CRTC3: variants seen among roughly 807,000 people sequenced by gnomAD.
CRTC3 encodes CREB-regulated transcription coactivator 3.
In CRTC3, 26 loss-of-function variants were observed where a neutral mutation model predicts 74.5. The ratio of observed to expected loss-of-function variants is 0.35; its 90% CI spans 0.26 to 0.48. The LOEUF (loss-of-function observed/expected upper bound fraction) is 0.48, where lower values mean the gene tolerates loss of function less well. Ranked by LOEUF, CRTC3 falls within the 20% of genes least tolerant of loss-of-function variation. The pLI is 0.99. For missense variants in CRTC3, 760 were observed against 787.3 expected (o/e 0.97, Z 0.41); for synonymous variants, 377 against 325.8 (o/e 1.16, Z -1.69).
At chr15:90,592,244 G>T (rs1222367979) in intron 2 of CRTC3, among the ~76,000 whole-genome samples, 1 of 152,186 alleles carries the variant, frequency 6.6e-6, no homozygotes, top group Non-Finnish European at 1.5e-5. Flanking sequence ...GTAAAACTCT[G>T]TTTTAAATGA....
chr15:90,548,393 G>A (rs1327852935), intron 2 of CRTC3, among the ~76,000 whole-genome samples: 2 of 152,196 alleles, frequency 1.3e-5, no homozygotes, highest in African/African-American at 4.8e-5. Flanking sequence ...AAGGCCTGGA[G>A]GGCCAGGTCC....
chr15:90,552,169 C>T (rs543292153), intron 2 of CRTC3, among the ~76,000 whole-genome samples: 86 of 152,282 alleles, frequency 5.6e-4, no homozygotes, highest in Admixed American at 8.5e-4. Flanking sequence ...CACATAGAAA[C>T]GAAGAAATTG....
intron 2 of CRTC3, among the ~76,000 whole-genome samples, chr15:90,578,485 CAG>C (rs1282005752): frequency 6.6e-6 from 1 of 151,702 alleles, no homozygotes; most frequent in Non-Finnish European, 1.5e-5. Flanking sequence ...ACCCGGGAGA[CAG>C]AGGGTATAGT....
chr15:90,577,763 G>A (rs1223903402), intron 2 of CRTC3, among the ~76,000 whole-genome samples: 2 of 152,116 alleles, frequency 1.3e-5, no homozygotes, highest in Non-Finnish European at 2.9e-5. Context: ...TATGTTAAGT[G>A]AAATAAGAGA....
chr15:90,581,334 T>G (rs921690168), intron 2 of CRTC3, among the ~76,000 whole-genome samples: 3 of 152,242 alleles, frequency 2.0e-5, no homozygotes, highest in African/African-American at 7.2e-5. Context: ...TCAATATGCT[T>G]TATTTAGAAT....
intron 2 of CRTC3, among the ~76,000 whole-genome samples, chr15:90,549,504 C>T (rs1179886782): frequency 6.6e-6 from 1 of 152,024 alleles, no homozygotes; most frequent in Non-Finnish European, 1.5e-5. Context: ...GGCTGGGTAC[C>T]ATGGCTCACG....
chr15:90,631,997 G>A (rs917508248), intron 11 of CRTC3, among the ~76,000 whole-genome samples: 5 of 151,600 alleles, frequency 3.3e-5, no homozygotes, highest in African/African-American at 4.8e-5. Flanking sequence ...AACTCCCTGA[G>A]CTCAGGTGAT....
At chr15:90,537,679 C>T (rs1966742421) in intron 1 of CRTC3, among the ~76,000 whole-genome samples, 1 of 152,188 alleles carries the variant, frequency 6.6e-6, no homozygotes, top group South Asian at 2.1e-4. Context: ...GCCACTGCTC[C>T]TGGCCTTTTT....
intron 2 of CRTC3, among the ~76,000 whole-genome samples, chr15:90,579,634 CTTTTTTTTTT>C (rs146273285): frequency 9.3e-4 from 78 of 84,202 alleles, no homozygotes; most frequent in Admixed American, 8.4e-4. Context: ...ACGTATTTCA[CTTTTTTTTTT>C]TTTTTTTTTT....
At position 90,544,295 on chromosome 15, in the gene CRTC3, C is replaced by T. The variant is rs60976163; in HGVS notation, c.231+4158C>T. Among the ~76,000 whole-genome samples, 1,146 of 152,260 alleles carry T rather than the reference C, an allele frequency of 7.5e-3. 20 individuals carry two copies. Among genetic ancestry groups the T allele is most frequent in the African/African-American group, 0.027 (1,109 of 41,542 alleles). On this transcript the variant is annotated intron_variant, in intron 2 of 14. Transcript: ENST00000268184. The stretch of plus-strand genomic sequence containing the variant: ...GTGTTTAAATCTTCCTCTCCTTTTT[C>T]TTATAAAGAACTAGTCATTGGATTT...
At chr15:90,548,012 C>G (rs983593120) in intron 2 of CRTC3, among the ~76,000 whole-genome samples, 1 of 151,772 alleles carries the variant, frequency 6.6e-6, no homozygotes, top group Admixed American at 6.6e-5. Context: ...TCTCAGCCCC[C>G]CAGGGTAGCA....
At chr15:90,567,991 T>C (rs1161595968) in intron 2 of CRTC3, among the ~76,000 whole-genome samples, 1 of 152,228 alleles carries the variant, frequency 6.6e-6, no homozygotes, top group Non-Finnish European at 1.5e-5. Context: ...TTAAGAACAT[T>C]CATGGTTCAT....
intron 2 of CRTC3, among the ~76,000 whole-genome samples, chr15:90,573,751 A>G (rs771213499): frequency 1.7e-4 from 26 of 152,208 alleles, no homozygotes; most frequent in Non-Finnish European, 3.1e-4. Context: ...TTAGGCAGAT[A>G]CATATGAACA....
rs35381855 is a variant in CRTC3 at position 90,545,400 on chromosome 15, A to ATTT, written c.231+5278_231+5280dup. On this transcript the variant is annotated intron_variant, in intron 2 of 14. Transcript: ENST00000268184. Reference sequence around the variant, plus strand: ...GAATCATATGACAATTGTGGTTTTAATTTTTTTTTTTTTTTTTGAGACTGA... The same window carrying ATTT: ...GAATCATATGACAATTGTGGTTTTAATTTTTTTTTTTTTTTTTTTTGAGACTGA... Among the ~76,000 whole-genome samples, 195 of 137,990 alleles carry ATTT rather than the reference A, an allele frequency of 1.4e-3. 1 individual carries two copies. Among genetic ancestry groups the ATTT allele is most frequent in the East Asian group, 4.4e-3 (21 of 4,776 alleles). The allele number at this position is 137,990 out of a possible 152,430, so 90.5% of individuals were successfully genotyped here.
chr15:90,598,273 CCG>C, intron 3 of CRTC3: 1 of 600,628 alleles, frequency 1.7e-6, no homozygotes. Flanking sequence ...GCTCACCCAG[CCG>C]CAGGTCAAGC....
chr15:90,549,168 T>C (rs1966849715), intron 2 of CRTC3, among the ~76,000 whole-genome samples: 2 of 152,218 alleles, frequency 1.3e-5, no homozygotes, highest in Non-Finnish European at 2.9e-5. Context: ...TTTCCTTCTA[T>C]GTGTTCAATG....
chr15:90,549,711 T>C (rs1246080614), intron 2 of CRTC3, among the ~76,000 whole-genome samples: 7 of 149,788 alleles, frequency 4.7e-5, no homozygotes, highest in African/African-American at 1.7e-4. Context: ...TTTCTTTTTT[T>C]TTTTTTTTTT....
chr15:90,619,580 A>C (rs900647267), intron 8 of CRTC3, among the ~76,000 whole-genome samples, 161 bp from the exon 9 acceptor site: 6 of 152,244 alleles, frequency 3.9e-5, no homozygotes, highest in Non-Finnish European at 8.8e-5. Context: ...GAGTTTAAAA[A>C]AGTCATGCCA....
rs528686684 is a variant in CRTC3, at chr15:90,643,228, T to G, written c.*1088T>G. ...GTGCGTGCAGCGCATGATGAATGAG[T>G]GCGTCCGCCATGCCGTAAGGCAGGC... On this transcript the variant is annotated 3_prime_UTR_variant, in exon 15 of 15. Transcript: ENST00000268184. 5.2e-5 allele frequency: 12 copies of G among 232,732 alleles called. No individual in the cohort carries two copies. The South Asian group carries it at 1.8e-3, about 35-fold the overall frequency. The allele number at this position is 232,732 out of a possible 1,614,324, so 14.4% of individuals were successfully genotyped here.
Sources: allele counts gnomAD v4.1 joint callset (sites outside exome capture counted in the v4.1 genomes callset), GRCh38; gene constraint gnomAD v4.1.1; transcripts MANE v1.5; gene names NCBI Gene and HGNC (gene_info 2026-07-23, HGNC 2026-07-21).